The following CNOT1 variants were observed in gnomAD, a reference collection of about 807,000 sequenced individuals.
CNOT1 encodes CCR4-associated factor 1.
A neutral mutation model predicts 273.8 loss-of-function variants in CNOT1; 15 were observed. The observed-to-expected ratio is 0.05, with a 90% CI of 0.04 to 0.08. The LOEUF (loss-of-function observed/expected upper bound fraction) is 0.08, where lower values mean the gene tolerates loss of function less well. Among genes scored for constraint, CNOT1 ranks in the 10% least tolerant of loss-of-function variants. The pLI, the probability that CNOT1 is intolerant of heterozygous loss-of-function variation, is 1.00. For synonymous variants in CNOT1, 1,022 were observed against 1,005.5 expected (o/e 1.02, Z -0.31); for missense variants, 1,644 against 2,912.2 (o/e 0.56, Z 10.02).
At chr16:58,617,517 T>C (rs2043133931) in intron 1 of CNOT1, among the ~76,000 whole-genome samples, 1 of 152,172 alleles carries the variant, frequency 6.6e-6, no homozygotes, top group Non-Finnish European at 1.5e-5. Flanking sequence ...TACTCATTGG[T>C]GCATATTGGT....
chr16:58,556,338 C>T (rs192523412), intron 19 of CNOT1, among the ~76,000 whole-genome samples: 7 of 152,336 alleles, frequency 4.6e-5, no homozygotes, highest in African/African-American at 1.4e-4. Context: ...TTCACACTAA[C>T]GTTATCAAGT....
rs766923095 is a variant in CNOT1, at chr16:58,587,363, T to C, written c.360A>G (p.Lys120=). Residue 120 remains lysine, a synonymous_variant, in exon 5 of 49, where the codon AAA becomes AAG. Transcript: ENST00000317147. Reference sequence around the variant, plus strand: ...CACTCACCTCTTGTACTTTGCTTAATTTGAGCACTTTACTCAGCTGGGCAA... The same window carrying C: ...CACTCACCTCTTGTACTTTGCTTAACTTGAGCACTTTACTCAGCTGGGCAA... ...HLFAQLSKVL[K]LSKVQEVIFG... is the part of the protein sequence containing the mutation. The C allele has an allele frequency of 6.2e-7, 1 of 1,614,004 alleles. No individual in the cohort carries two copies. Among genetic ancestry groups the C allele is most frequent in the South Asian group, 1.1e-5 (1 of 91,086 alleles).
At chr16:58,528,323 A>G (rs747017938) in intron 44 of CNOT1, 152 bp downstream of exon 44, 1 of 666,796 alleles carries the variant, frequency 1.5e-6, no homozygotes, top group Non-Finnish European at 2.7e-6. Context: ...CATACCTTCT[A>G]TCAGGCTTAA....
At chr16:58,525,846 T>TA (rs1476027301) in intron 45 of CNOT1, 143 bp downstream of exon 45, 1 of 694,826 alleles carries the variant, frequency 1.4e-6, no homozygotes, top group Non-Finnish European at 2.4e-6. Flanking sequence ...ACTAGTAAAA[T>TA]ACGTAAATCC....
chr16:58,553,912 T>C, intron 21 of CNOT1, 52 bp from the exon 22 acceptor site: 1 of 1,542,306 alleles, frequency 6.5e-7, no homozygotes. Flanking sequence ...GAAGCATCAC[T>C]AACAAAATGT....
intron 44 of CNOT1, among the ~76,000 whole-genome samples, chr16:58,526,817 C>CAAAAAAAA (rs58419483): frequency 1.1e-5 from 1 of 88,150 alleles, no homozygotes; most frequent in African/African-American, 3.8e-5. Context: ...AACTCCGTCT[C>CAAAAAAAA]AAAAAAAAAA....
chr16:58,537,346 C>T, intron 38 of CNOT1, 126 bp from the exon 39 acceptor site: 4 of 1,362,676 alleles, frequency 2.9e-6, no homozygotes, highest in Non-Finnish European at 3.9e-6. Context: ...TTTACCACTT[C>T]CACACTGAAA....
chr16:58,526,546 G>A (rs1359107492), intron 44 of CNOT1, among the ~76,000 whole-genome samples: 7 of 146,510 alleles, frequency 4.8e-5, no homozygotes, highest in Non-Finnish European at 8.9e-5. Context: ...AATTGAAGCC[G>A]GGCGCAGTGG....
At chr16:58,566,732 C>A (rs558314072) in intron 16 of CNOT1, among the ~76,000 whole-genome samples, 1 of 152,296 alleles carries the variant, frequency 6.6e-6, no homozygotes, top group Admixed American at 6.5e-5. Flanking sequence ...ATGGCAAGAT[C>A]TTGGCTCACC....
chr16:58,583,213 C>T (rs376271362), intron 8 of CNOT1, 31 bp from the exon 9 acceptor site: 6 of 1,607,854 alleles, frequency 3.7e-6, no homozygotes, highest in African/African-American at 2.7e-5. Context: ...CAGAAAAATG[C>T]TACCAGCCTC....
chr16:58,543,319 A>T lies in CNOT1; in HGVS notation c.4434+288T>A, dbSNP rs776175767. 5.2e-6 allele frequency: 8 copies of T among 1,548,976 alleles called. No homozygotes were observed. In the South Asian group the frequency reaches 7.2e-5, roughly 14 times the overall value. ...TGGTTAACAGAAATGAGATTGTCAG[A>T]TATCACATTTCCTTTTTAAATCTTA... On this transcript the variant is annotated intron_variant, in intron 31 of 48. Coordinates refer to ENST00000317147, the MANE Select transcript of CNOT1 (RefSeq NM_016284.5).
rs374415421 is a variant in CNOT1, at chr16:58,538,932, C to T, written c.4993-18G>A. On this transcript the variant is annotated intron_variant, in intron 35 of 48. Transcript: ENST00000317147. Reference sequence around the variant, plus strand: ...TCTACAGCCTATGGGAGAAAGAAAGCGTTCAAAACCATGAAAAATACAGTG... The same window carrying T: ...TCTACAGCCTATGGGAGAAAGAAAGTGTTCAAAACCATGAAAAATACAGTG... 21 of 1,606,788 alleles carry T rather than the reference C, an allele frequency of 1.3e-5. No individual in the cohort carries two copies. The highest frequency in any genetic ancestry group is 1.1e-4 in the East Asian group (5 of 44,724).
intron 1 of CNOT1, among the ~76,000 whole-genome samples, chr16:58,616,013 A>G (rs1342034234): frequency 8.1e-6 from 1 of 123,270 alleles, no homozygotes; most frequent in African/African-American, 2.7e-5. Flanking sequence ...TCTGAGCCCA[A>G]GTGAGCTATG....
At position 58,555,803 on chromosome 16, in the gene CNOT1, G is replaced by C; in HGVS notation, c.2585C>G (p.Pro862Arg). The change falls in exon 20 of 49, where the codon CCA becomes CGA. Residue 862 changes from proline (P) to arginine (R), a missense_variant. Physicochemically the swap from Pro to Arg is moderately radical, Grantham distance 103. Transcript: ENST00000317147. ...ACTCACCTCATCAACAGACATGGTT[G>C]GATGTGGTGGATGATTATATATTCG... The part of the protein sequence containing the change: ...FQRIYNHPPH[P>R]TMSVDEVLEM... The C allele has an allele frequency of 6.2e-7, 1 of 1,613,994 alleles. No homozygotes were observed. Among genetic ancestry groups the C allele is most frequent in the South Asian group, 1.1e-5 (1 of 91,086 alleles).
At chr16:58,558,399 C>T in intron 18 of CNOT1, 74 bp downstream of exon 18, 1 of 1,589,770 alleles carries the variant, frequency 6.3e-7, no homozygotes, top group Admixed American at 1.8e-5. Flanking sequence ...TGACTCCAAA[C>T]CCCTTACCAA....
At chr16:58,622,326 A>C in intron 1 of CNOT1, among the ~76,000 whole-genome samples, 1 of 14,084 alleles carries the variant, frequency 7.1e-5, no homozygotes, top group African/African-American at 2.7e-4. Context: ...AAAATGTACC[A>C]CTCTAGTGGG....
chr16:58,604,415 A>AATAG (rs1487336915), intron 1 of CNOT1, among the ~76,000 whole-genome samples: 2 of 152,132 alleles, frequency 1.3e-5, no homozygotes, highest in African/African-American at 4.8e-5. Flanking sequence ...GTTGTCTACT[A>AATAG]TTGGCTCTTT....
intron 1 of CNOT1, among the ~76,000 whole-genome samples, chr16:58,607,348 T>C (rs143302124): frequency 5.3e-5 from 8 of 152,334 alleles, no homozygotes; most frequent in African/African-American, 1.9e-4. Flanking sequence ...TAAGCACTTG[T>C]ATATATACTA....
chr16:58,548,988 T>C (rs2040351950), intron 25 of CNOT1, among the ~76,000 whole-genome samples: 1 of 152,254 alleles, frequency 6.6e-6, no homozygotes, highest in East Asian at 1.9e-4. Flanking sequence ...TATTTTTCTG[T>C]TTTTTAAAAA....
Sources: gnomAD v4.1 joint callset for allele counts (sites outside exome capture counted in the v4.1 genomes callset) on GRCh38, gnomAD v4.1.1 for gene constraint, MANE v1.5 for transcripts, NCBI Gene and HGNC (gene_info 2026-07-23, HGNC 2026-07-21) for gene names.